Variants in BAZ1A observed in about 807,000 individuals in gnomAD.
BAZ1A encodes the protein bromodomain adjacent to zinc finger domain 1A.
In BAZ1A, 50 loss-of-function variants were observed where a neutral mutation model predicts 185.2. The observed-to-expected ratio is 0.27, with a 90% CI of 0.22 to 0.34. BAZ1A has a LOEUF of 0.34. Ranked by LOEUF, BAZ1A falls within the 10% of genes least tolerant of loss-of-function variation. The probability of loss-of-function intolerance (pLI) is 1.00; values close to 1 mark genes in which losing one functional copy is unlikely to be tolerated. For synonymous variants in BAZ1A, 571 were observed against 615.6 expected, an observed-to-expected ratio of 0.93 and a Z score of 1.07; for missense variants, 1,356 against 1,839.9, an observed-to-expected ratio of 0.74 and a Z score of 4.81.
chr14:34,786,567 T>C (rs899641385), intron 12 of BAZ1A: 4 of 170,068 alleles, frequency 2.4e-5, no homozygotes, highest in Non-Finnish European at 5.0e-5. Flanking sequence ...ACCTTGAAAA[T>C]TGGAATCTAT....
At position 34,807,532 on chromosome 14, in the gene BAZ1A, T is replaced by C; in HGVS notation, c.645A>G (p.Arg215=). The change falls in exon 6 of 27, where the codon AGA becomes AGG. Residue 215 remains arginine (R), a synonymous_variant. Coordinates refer to ENST00000360310, the MANE Select transcript of BAZ1A (RefSeq NM_013448.3). ...AIVKATQISR[R]KHLFSRDKLK... ...GTTTATCACGAGAAAATAGGTGTTT[T>C]CTCCGGCTACAGGAGGCAAGGAAGT... 1 of 1,612,426 alleles carries C rather than the reference T, an allele frequency of 6.2e-7. No individual in the cohort carries two copies. Among genetic ancestry groups the C allele is most frequent in the Non-Finnish European group, 8.5e-7 (1 of 1,178,928 alleles).
chr14:34,790,360 T>C (rs1332974660), intron 12 of BAZ1A, among the ~76,000 whole-genome samples: 2 of 151,978 alleles, frequency 1.3e-5, no homozygotes, highest in African/African-American at 4.8e-5. Context: ...ATTTGTTTAT[T>C]TATTTATTTG....
At chr14:34,868,234 G>A (rs1307180414) in intron 2 of BAZ1A, among the ~76,000 whole-genome samples, 1 of 152,102 alleles carries the variant, frequency 6.6e-6, no homozygotes, top group Admixed American at 6.6e-5. Flanking sequence ...CAGTTGGATA[G>A]GTACAAGAGA....
intron 25 of BAZ1A, among the ~76,000 whole-genome samples, chr14:34,757,664 C>CAAAACA (rs955839655): frequency 2.0e-5 from 3 of 149,282 alleles, no homozygotes; most frequent in South Asian, 2.1e-4. Flanking sequence ...GACTTTGTCT[C>CAAAACA]AAAACAAAAA....
intron 5 of BAZ1A, among the ~76,000 whole-genome samples, chr14:34,809,261 C>T (rs188035892): frequency 3.3e-5 from 5 of 152,286 alleles, no homozygotes; most frequent in Non-Finnish European, 7.4e-5. Context: ...AGAACAAGGA[C>T]TCTGCTACAT....
rs1475901452 is a variant in BAZ1A at position 34,776,299 on chromosome 14, G to A, written c.2453C>T (p.Pro818Leu). The change falls in exon 18 of 27, where the codon CCT becomes CTT. Residue 818 changes from proline (P) to leucine (L), a missense_variant. Pro to Leu is a moderately conservative substitution (Grantham distance 98, BLOSUM62 -3). Coordinates refer to ENST00000360310, the MANE Select transcript of BAZ1A (RefSeq NM_013448.3). Reference protein sequence around the residue: ...DRMYRRYWIFPSIPGLFIEED... With the variant: ...DRMYRRYWIFLSIPGLFIEED... ...TTCAATAAAGAGTCCAGGAATAGAA[G>A]GGAAAATCCAGTATCGTCTATACAT... 2.5e-6 allele frequency: 4 copies of A among 1,613,806 alleles called. No homozygotes were observed. The highest frequency in any genetic ancestry group is 2.2e-5 in the South Asian group (2 of 91,076).
At chr14:34,789,994 AGAG>A (rs1311972137) in intron 12 of BAZ1A, among the ~76,000 whole-genome samples, 2 of 152,182 alleles carry the variant, frequency 1.3e-5, no homozygotes, top group African/African-American at 2.4e-5. Flanking sequence ...CTACCTCAAA[AGAG>A]TAGTATGAGA....
chr14:34,768,376 T>A (rs1189511631), intron 21 of BAZ1A, among the ~76,000 whole-genome samples: 1 of 152,224 alleles, frequency 6.6e-6, no homozygotes, highest in East Asian at 1.9e-4. Context: ...AAATACTTTA[T>A]GTGAAACAGG....
intron 3 of BAZ1A, among the ~76,000 whole-genome samples, chr14:34,826,615 T>G (rs985977092): frequency 3.3e-5 from 5 of 152,208 alleles, no homozygotes; most frequent in Non-Finnish European, 7.3e-5. Flanking sequence ...TCTTCTTTGC[T>G]CCACTGGTTA....
At chr14:34,765,948 C>G (rs1314695225) in intron 21 of BAZ1A, among the ~76,000 whole-genome samples, 1 of 152,140 alleles carries the variant, frequency 6.6e-6, no homozygotes, top group African/African-American at 2.4e-5. Context: ...ATACTTAATT[C>G]TGCAAGGTAT....
At chr14:34,783,004 C>G in intron 16 of BAZ1A, 115 bp downstream of exon 16, 3 of 791,808 alleles carry the variant, frequency 3.8e-6, no homozygotes, top group Non-Finnish European at 6.3e-6. Context: ...TATCATGTAC[C>G]TATAATAAAA....
intron 3 of BAZ1A, among the ~76,000 whole-genome samples, chr14:34,860,627 C>A (rs2042754388): frequency 6.6e-6 from 1 of 151,174 alleles, no homozygotes; most frequent in Non-Finnish European, 1.5e-5. Flanking sequence ...AAGCCTTAGG[C>A]CAAGCGCAGT....
intron 24 of BAZ1A, among the ~76,000 whole-genome samples, chr14:34,761,533 TG>T (rs1886521030): frequency 1.3e-5 from 2 of 152,338 alleles, no homozygotes; most frequent in Admixed American, 1.3e-4. Flanking sequence ...GAACGTCATT[TG>T]TAAGTTTATT....
chr14:34,808,459 C>T (rs1007564943), intron 5 of BAZ1A, among the ~76,000 whole-genome samples: 1 of 152,060 alleles, frequency 6.6e-6, no homozygotes, highest in African/African-American at 2.4e-5. Context: ...GATCGTGCTG[C>T]TGCACTCTAG....
At chr14:34,836,933 T>TA (rs1314617047) in intron 3 of BAZ1A, among the ~76,000 whole-genome samples, 4 of 151,936 alleles carry the variant, frequency 2.6e-5, no homozygotes, top group African/African-American at 7.3e-5. Context: ...TGTTTCCTTT[T>TA]AAAAAAATGT....
Position 34,874,239 on chromosome 14 carries a change from T to A in BAZ1A, c.113+253A>T. The A allele has an allele frequency of 2.4e-6, 1 of 410,354 alleles. No individual in the cohort carries two copies. Among genetic ancestry groups the A allele is most frequent in the Non-Finnish European group, 4.4e-6 (1 of 228,564 alleles). The allele number at this position is 410,354 out of a possible 1,614,324, so 25.4% of individuals were successfully genotyped here. On this transcript the variant is annotated intron_variant, in intron 2 of 26. Transcript: ENST00000360310. The surrounding 1 kb of genome is among the most constrained non-coding windows in gnomAD (Gnocchi z 4.7). ...GGGCGACAGCAGCGGCTAGGAGCGG[T>A]CCCCGAGGCCGGCCAGGGACCCAGC...
intron 3 of BAZ1A, among the ~76,000 whole-genome samples, chr14:34,853,422 C>T (rs2042627300): frequency 1.3e-5 from 2 of 152,166 alleles, no homozygotes; most frequent in African/African-American, 4.8e-5. Context: ...TACCTGATTG[C>T]TTCTTTGAAA....
chr14:34,831,802 G>A (rs2042245516), intron 3 of BAZ1A, among the ~76,000 whole-genome samples: 1 of 151,944 alleles, frequency 6.6e-6, no homozygotes, highest in Non-Finnish European at 1.5e-5. Flanking sequence ...TTTTCAAGCT[G>A]CTCTTTTTAA....
At chr14:34,753,916 G>A (rs1472272103) in intron 26 of BAZ1A, among the ~76,000 whole-genome samples, 4 of 151,174 alleles carry the variant, frequency 2.6e-5, no homozygotes, top group African/African-American at 7.3e-5. Flanking sequence ...TCAGGAGTTC[G>A]AGACCATCCT....
Sources: gnomAD v4.1 joint callset for allele counts (sites outside exome capture counted in the v4.1 genomes callset) on GRCh38, gnomAD v4.1.1 for gene constraint, Gnocchi (gnomAD v3.1) non-coding constraint, MANE v1.5 for transcripts, NCBI Gene and HGNC (gene_info 2026-07-23, HGNC 2026-07-21) for gene names.